Variants in LRCH3 observed in about 807,000 individuals in gnomAD.
LRCH3 encodes DISP complex protein LRCH3.
In LRCH3, 68 loss-of-function variants were observed where a neutral mutation model predicts 104.5. That is an observed-to-expected ratio of 0.65 (90% CI 0.54 to 0.80). The LOEUF is 0.80. LRCH3 is among the 30% of genes least tolerant of loss of function. The pLI is 0.00. For synonymous variants in LRCH3, 344 were observed against 361.3 expected (o/e 0.95, Z 0.54); for missense variants, 951 against 953.9 (o/e 1.00, Z 0.04).
chr3:197,808,067 T>C (rs932311150), intron 1 of LRCH3, among the ~76,000 whole-genome samples: 1 of 152,238 alleles, frequency 6.6e-6, no homozygotes, highest in African/African-American at 2.4e-5. Context: ...AATTCATACA[T>C]TGAAGTCCTA....
chr3:197,806,062 G>T (rs1732452683), intron 1 of LRCH3, among the ~76,000 whole-genome samples: 1 of 151,960 alleles, frequency 6.6e-6, no homozygotes, highest in Non-Finnish European at 1.5e-5. Flanking sequence ...GAGTAGCTGG[G>T]ATTACAGGCA....
intron 10 of LRCH3, among the ~76,000 whole-genome samples, chr3:197,846,394 A>C (rs1055740492): frequency 4.0e-5 from 6 of 149,816 alleles, no homozygotes; most frequent in Non-Finnish European, 7.4e-5. Context: ...ACAAAAAAAA[A>C]AAAAAACAAA....
At chr3:197,876,541 T>G (rs1281601928) in intron 20 of LRCH3, among the ~76,000 whole-genome samples, 2 of 152,226 alleles carry the variant, frequency 1.3e-5, no homozygotes, top group African/African-American at 4.8e-5. Context: ...TTAAACCAAC[T>G]AAGTATTATA....
intron 20 of LRCH3, among the ~76,000 whole-genome samples, chr3:197,879,460 C>G (rs1226724979): frequency 6.6e-6 from 1 of 151,174 alleles, no homozygotes; most frequent in Non-Finnish European, 1.5e-5. Context: ...TCCTGGCTAA[C>G]ATGGTGAAAC....
rs2109591010 is a variant in LRCH3 at position 197,884,808 on chromosome 3, T to TTGCC, written c.*1143_*1146dup. On this transcript the variant is annotated 3_prime_UTR_variant, in exon 21 of 21. Coordinates refer to ENST00000425562, the MANE Select transcript of LRCH3 (RefSeq NM_001365715.1). ...CTTCTTTTTTTTAAGAGTTGGGGTC[T>TTGCC]TGCCGTATTGCCCAGGCTGGTCTGA... The TTGCC allele has an allele frequency of 6.6e-6, 1 of 152,206 alleles. No individual in the cohort carries two copies. Among genetic ancestry groups the TTGCC allele is most frequent in the Non-Finnish European group, 1.5e-5 (1 of 68,062 alleles). The allele number at this position is 152,206 out of a possible 1,614,324, so 9.4% of individuals were successfully genotyped here. A position where few individuals can be genotyped will look rare whatever the true frequency, so the allele number is the denominator to read the frequency against.
chr3:197,851,424 G>C (rs1739579165), intron 12 of LRCH3, among the ~76,000 whole-genome samples: 4 of 152,184 alleles, frequency 2.6e-5, no homozygotes. Flanking sequence ...CTAGAAAGAG[G>C]AAAATGAAGA....
intron 20 of LRCH3, chr3:197,880,917 G>A (rs1018188520): frequency 1.3e-5 from 19 of 1,417,082 alleles, no homozygotes; most frequent in Non-Finnish European, 1.7e-5. Context: ...CTAACAAAGA[G>A]TAAAAGACCA....
At chr3:197,853,573 A>G (rs1056669194) in intron 13 of LRCH3, among the ~76,000 whole-genome samples, 12 of 152,232 alleles carry the variant, frequency 7.9e-5, no homozygotes, top group Non-Finnish European at 1.6e-4. Flanking sequence ...TTTGCTTTTC[A>G]TAAAATAAGT....
intron 15 of LRCH3, among the ~76,000 whole-genome samples, chr3:197,860,835 A>G (rs1740790821): frequency 6.6e-6 from 1 of 151,930 alleles, no homozygotes; most frequent in Non-Finnish European, 1.5e-5. Context: ...CAAATGCTGG[A>G]TCTTATTCTT....
Position 197,824,360 on chromosome 3 carries a change from G to GC in LRCH3, c.641-2517dup, listed in dbSNP as rs1178016538. On this transcript the variant is annotated intron_variant, in intron 4 of 20. Coordinates refer to ENST00000425562, the MANE Select transcript of LRCH3 (RefSeq NM_001365715.1). The stretch of plus-strand genomic sequence containing the variant: ...TTACAGGCGTGAGCCACCACGCCCG[G>GC]CTTTTTTTTTTTTTTTCCCCTGGAG... 1.7e-4 allele frequency among the ~76,000 whole-genome samples: 13 copies of GC among 76,612 alleles called. 1 individual carries two copies. The highest frequency in any genetic ancestry group is 5.2e-4 in the African/African-American group (13 of 24,878). The allele number at this position is 76,612 out of a possible 152,430, so 50.3% of individuals were successfully genotyped here. A position where few individuals can be genotyped will look rare whatever the true frequency, so the allele number is the denominator to read the frequency against.
At position 197,885,696 on chromosome 3, in the gene LRCH3, C is replaced by G. The variant is rs60650119; in HGVS notation, c.*2030C>G. On this transcript the variant is annotated 3_prime_UTR_variant, in exon 21 of 21. Transcript: ENST00000425562. ...GGTGGAGGAAAAGGGCCCAAGGGCT[C>G]ACACCGCACAGGAGCCTTTACTCAA... 11,976 of 152,292 alleles carry G rather than the reference C, an allele frequency of 0.079. 1,158 individuals carry two copies. The highest frequency in any genetic ancestry group is 0.23 in the African/African-American group (9,360 of 41,532). The allele number at this position is 152,292 out of a possible 1,614,324, so 9.4% of individuals were successfully genotyped here.
intron 17 of LRCH3, among the ~76,000 whole-genome samples, chr3:197,867,150 G>A (rs77106614): frequency 0.039 from 5,888 of 152,216 alleles, 351 homozygotes; most frequent in African/African-American, 0.13. Context: ...GGCAGCAGGC[G>A]CCTGTAATTC....
At chr3:197,877,475 C>G in intron 20 of LRCH3, among the ~76,000 whole-genome samples, 1 of 77,944 alleles carries the variant, frequency 1.3e-5, no homozygotes, top group Non-Finnish European at 2.6e-5. Context: ...CTTTACCCAA[C>G]TCACCGCACC....
rs535676040 is a variant in LRCH3 at position 197,879,442 on chromosome 3, C to G, written c.2208+3667C>G. Among the ~76,000 whole-genome samples the G allele has an allele frequency of 1.2e-4, 18 of 151,300 alleles. No individual in the cohort carries two copies. In the South Asian group the frequency reaches 1.5e-3, roughly 12 times the overall value. On this transcript the variant is annotated intron_variant, in intron 20 of 20. Coordinates refer to ENST00000425562, the MANE Select transcript of LRCH3 (RefSeq NM_001365715.1). The stretch of plus-strand genomic sequence containing the variant: ...TGGGCGGATCACGAGGTCAGGAGAT[C>G]GAGACCATCCTGGCTAACATGGTGA...
chr3:197,869,363 TAGAA>T (rs1711784450), intron 17 of LRCH3, among the ~76,000 whole-genome samples: 1 of 150,152 alleles, frequency 6.7e-6, no homozygotes, highest in Admixed American at 6.6e-5. Flanking sequence ...CTGCAGGAAG[TAGAA>T]AGCGGTGCAC....
At chr3:197,795,686 GT>G (rs1167369678) in intron 1 of LRCH3, among the ~76,000 whole-genome samples, 172 of 65,808 alleles carry the variant, frequency 2.6e-3, no homozygotes, top group African/African-American at 7.4e-3. Flanking sequence ...AAAAGTTGTT[GT>G]TTTTTTTTTT....
At chr3:197,869,346 ACTGTACCTGCAGGAAGTAGAAAGCGG>A in intron 17 of LRCH3, among the ~76,000 whole-genome samples, 10 of 151,828 alleles carry the variant, frequency 6.6e-5, no homozygotes, top group Admixed American at 2.0e-4. Flanking sequence ...AAAGCGGTGC[ACTGTACCTGCAGGAAGTAGAAAGCGG>A]TGCACTGTAC....
At chr3:197,853,741 G>T (rs2109425577) in intron 13 of LRCH3, among the ~76,000 whole-genome samples, 1 of 152,174 alleles carries the variant, frequency 6.6e-6, no homozygotes, top group East Asian at 1.9e-4. Flanking sequence ...AACTACTTCT[G>T]TTTTTTTATG....
chr3:197,876,653 T>G (rs1033680040), intron 20 of LRCH3, among the ~76,000 whole-genome samples: 1 of 152,210 alleles, frequency 6.6e-6, no homozygotes, highest in African/African-American at 2.4e-5. Context: ...CAAGTCTTGT[T>G]AACATATTTT....
Sources: allele counts gnomAD v4.1 joint callset (sites outside exome capture counted in the v4.1 genomes callset), GRCh38; gene constraint gnomAD v4.1.1; transcripts MANE v1.5; gene names NCBI Gene and HGNC (gene_info 2026-07-23, HGNC 2026-07-21).